The following PALM2AKAP2 variants were observed in gnomAD, a reference collection of about 807,000 sequenced individuals.
PALM2AKAP2 encodes the protein PALM2-AKAP2 fusion protein.
In PALM2AKAP2, 37 loss-of-function variants were observed where a neutral mutation model predicts 71.5. The ratio of observed to expected loss-of-function variants is 0.52; its 90% CI spans 0.40 to 0.68. PALM2AKAP2 has a LOEUF of 0.68. PALM2AKAP2 is among the 30% of genes least tolerant of loss of function. PALM2AKAP2 has a pLI of 0.00. For missense variants in PALM2AKAP2, 1,224 were observed against 1,191.8 expected, an observed-to-expected ratio of 1.03 and a Z score of -0.40; for synonymous variants, 468 against 478.8, an observed-to-expected ratio of 0.98 and a Z score of 0.29.
intron 3 of PALM2AKAP2, among the ~76,000 whole-genome samples, chr9:109,919,326 C>T (rs886111976): frequency 6.6e-6 from 1 of 151,910 alleles, no homozygotes; most frequent in Non-Finnish European, 1.5e-5. Context: ...CAGCAGAAAG[C>T]CTCAGGAGGT....
chr9:110,164,466 C>T (rs1210542342), intron 3 of PALM2AKAP2, among the ~76,000 whole-genome samples: 2 of 151,750 alleles, frequency 1.3e-5, no homozygotes, highest in Non-Finnish European at 1.5e-5. Flanking sequence ...GTTTTTTATT[C>T]CCTACCAGAC....
intron 1 of PALM2AKAP2, among the ~76,000 whole-genome samples, chr9:109,863,395 T>G (rs1829365736): frequency 6.6e-6 from 1 of 152,126 alleles, no homozygotes; most frequent in African/African-American, 2.4e-5. Context: ...TTTGCTGAGA[T>G]GAAACATAGA....
intron 1 of PALM2AKAP2, among the ~76,000 whole-genome samples, chr9:109,668,419 A>G (rs1481837920): frequency 6.6e-6 from 1 of 152,236 alleles, no homozygotes; most frequent in Non-Finnish European, 1.5e-5. Flanking sequence ...GGAACAAAAC[A>G]CATTCTTGTT....
intron 6 of PALM2AKAP2, among the ~76,000 whole-genome samples, chr9:110,005,561 A>T (rs1380664119): frequency 6.6e-6 from 1 of 152,220 alleles, no homozygotes; most frequent in East Asian, 1.9e-4. Flanking sequence ...GCTGTCAGAC[A>T]GGGACATTTA....
chr9:109,964,917 A>G (rs772903919), intron 6 of PALM2AKAP2, among the ~76,000 whole-genome samples: 4 of 152,090 alleles, frequency 2.6e-5, no homozygotes, highest in Non-Finnish European at 4.4e-5. Context: ...AGGGAAGAAA[A>G]TGTCTCCCTC....
At chr9:109,717,538 G>A (rs1248853518) in intron 1 of PALM2AKAP2, among the ~76,000 whole-genome samples, 1 of 152,178 alleles carries the variant, frequency 6.6e-6, no homozygotes, top group Non-Finnish European at 1.5e-5. Flanking sequence ...GATTGAAACA[G>A]GAAAGTACAG....
chr9:109,681,000 A>C (rs1449319880), intron 1 of PALM2AKAP2, among the ~76,000 whole-genome samples: 1 of 152,228 alleles, frequency 6.6e-6, no homozygotes, highest in Admixed American at 6.5e-5. Flanking sequence ...AAGTATAAGG[A>C]AAATGGAAAG....
chr9:109,710,890 A>G (rs554736866), intron 1 of PALM2AKAP2, among the ~76,000 whole-genome samples: 4 of 152,234 alleles, frequency 2.6e-5, no homozygotes, highest in African/African-American at 9.6e-5. Context: ...TCTGGAAAAG[A>G]AAGAGCAGGG....
intron 6 of PALM2AKAP2, among the ~76,000 whole-genome samples, chr9:110,008,252 C>T (rs1832819291): frequency 6.6e-6 from 1 of 152,044 alleles, no homozygotes; most frequent in South Asian, 2.1e-4. Flanking sequence ...CAGAGAAAAA[C>T]TGTTGTTTCT....
chr9:110,015,620 A>G (rs1447799309), intron 6 of PALM2AKAP2, among the ~76,000 whole-genome samples: 1 of 152,184 alleles, frequency 6.6e-6, no homozygotes, highest in Non-Finnish European at 1.5e-5. Flanking sequence ...AAATAAATAA[A>G]TAAACAAACA....
intron 3 of PALM2AKAP2, among the ~76,000 whole-genome samples, chr9:109,903,138 C>T (rs1830366322): frequency 6.6e-6 from 1 of 152,132 alleles, no homozygotes; most frequent in African/African-American, 2.4e-5. Flanking sequence ...CTGGGACACA[C>T]ATGCCGGAGA....
chr9:110,056,276 G>A (rs554676695), intron 1 of PALM2AKAP2, among the ~76,000 whole-genome samples: 23 of 152,338 alleles, frequency 1.5e-4, no homozygotes, highest in Middle Eastern at 3.4e-3. Context: ...TTACATTACC[G>A]TGATGTCATT....
upstream of PALM2AKAP2, chr9:109,780,401 C>G (rs573655182): frequency 5.1e-3 from 8,272 of 1,608,094 alleles, 46 homozygotes; most frequent in South Asian, 0.012. Context: ...TCTAGCAAAG[C>G]CCCCCGGGGT....
intron 3 of PALM2AKAP2, among the ~76,000 whole-genome samples, chr9:110,165,223 A>C (rs1332637286): frequency 1.3e-5 from 2 of 152,076 alleles, no homozygotes; most frequent in Non-Finnish European, 2.9e-5. Flanking sequence ...AATGAACTTT[A>C]GAAAGTGAAG....
intron 3 of PALM2AKAP2, among the ~76,000 whole-genome samples, chr9:109,922,507 A>G (rs1830858983): frequency 6.6e-6 from 1 of 150,928 alleles, no homozygotes; most frequent in African/African-American, 2.4e-5. Context: ...GCAGACACAG[A>G]CTCAGCAGCA....
chr9:109,859,042 A>G (rs1489456141), intron 1 of PALM2AKAP2, among the ~76,000 whole-genome samples: 1 of 152,238 alleles, frequency 6.6e-6, no homozygotes, highest in African/African-American at 2.4e-5. Context: ...TGGCACTAAT[A>G]GGCCAGATAT....
intron 6 of PALM2AKAP2, among the ~76,000 whole-genome samples, chr9:109,971,825 C>T (rs1832076045): frequency 6.6e-6 from 1 of 152,216 alleles, no homozygotes; most frequent in Admixed American, 6.5e-5. Flanking sequence ...ATGTGACCCA[C>T]TGCACACTAC....
chr9:110,168,369 T>C, intron 3 of PALM2AKAP2, 30 bp from the exon 11 acceptor site: 1 of 1,609,580 alleles, frequency 6.2e-7, no homozygotes, highest in East Asian at 2.2e-5. Flanking sequence ...ATCCATGAAC[T>C]CTGCATAATT....
intron 6 of PALM2AKAP2, among the ~76,000 whole-genome samples, chr9:109,964,193 G>T (rs1341745970): frequency 1.3e-5 from 2 of 152,232 alleles, no homozygotes; most frequent in Non-Finnish European, 2.9e-5. Context: ...AGAAATGTTC[G>T]GCATAGGCCT....
Sources: allele counts gnomAD v4.1 joint callset (sites outside exome capture counted in the v4.1 genomes callset), GRCh38; gene constraint gnomAD v4.1.1; transcripts MANE v1.5; gene names NCBI Gene and HGNC (gene_info 2026-07-23, HGNC 2026-07-21).